The following LINGO2 variants were observed in gnomAD, a reference collection of about 807,000 sequenced individuals.
LINGO2 encodes leucine-rich repeat and immunoglobulin-like domain-containing nogo receptor-interacting protein 2.
Under a neutral mutation model 30.6 loss-of-function variants are expected in LINGO2, and 14 were observed. The observed-to-expected ratio is 0.46, with a 90% CI of 0.30 to 0.72. The LOEUF (loss-of-function observed/expected upper bound fraction) is 0.72, where lower values mean the gene tolerates loss of function less well. LINGO2 is among the 30% of genes least tolerant of loss of function. LINGO2 has a pLI of 0.07. For synonymous variants in LINGO2, 317 were observed against 288.5 expected (o/e 1.10, Z -1.00); for missense variants, 729 against 751.7 (o/e 0.97, Z 0.35).
intron 3 of LINGO2, among the ~76,000 whole-genome samples, chr9:28,353,841 A>G (rs1321784485): frequency 2.0e-5 from 3 of 152,156 alleles, no homozygotes; most frequent in African/African-American, 7.2e-5. Context: ...TGATGAGTTC[A>G]TGTCCTTTGT....
At chr9:28,058,428 A>C (rs781078760) in intron 4 of LINGO2, among the ~76,000 whole-genome samples, 3 of 152,160 alleles carry the variant, frequency 2.0e-5, no homozygotes, top group Non-Finnish European at 4.4e-5. Flanking sequence ...AGTGAGTGCT[A>C]CAATACATAG....
the LINGO2 span, among the ~76,000 whole-genome samples, chr9:28,789,993 A>G: frequency 6.6e-6 from 1 of 152,156 alleles, no homozygotes; most frequent in Admixed American, 6.5e-5. Context: ...CCCCTTGCCC[A>G]TGGTTTAACT....
chr9:28,757,539 C>T, the LINGO2 span, among the ~76,000 whole-genome samples: 2 of 141,046 alleles, frequency 1.4e-5, no homozygotes, highest in Admixed American at 1.4e-4. Flanking sequence ...GTGGTAAAAA[C>T]ACTAAATATA....
chr9:28,131,138 G>C (rs577547359), intron 4 of LINGO2, among the ~76,000 whole-genome samples: 5 of 150,822 alleles, frequency 3.3e-5, no homozygotes, highest in Admixed American at 1.3e-4. Context: ...AGAGTGATAT[G>C]AGGGAAAAAT....
intron 1 of LINGO2, among the ~76,000 whole-genome samples, chr9:28,655,618 G>A (rs1228068181): frequency 6.6e-6 from 1 of 152,062 alleles, no homozygotes; most frequent in South Asian, 2.1e-4. Context: ...CGCATGTTAT[G>A]AGAGGGACCA....
At chr9:28,645,592 C>T (rs73445531) in intron 1 of LINGO2, among the ~76,000 whole-genome samples, 1,909 of 152,080 alleles carry the variant, frequency 0.013, 47 homozygotes, top group African/African-American at 0.044. Context: ...GACCAAAAAC[C>T]TCATTAGACA....
At chr9:28,413,752 T>G (rs1334722681) in intron 2 of LINGO2, among the ~76,000 whole-genome samples, 1 of 152,076 alleles carries the variant, frequency 6.6e-6, no homozygotes, top group Non-Finnish European at 1.5e-5. Flanking sequence ...AGACTGATCC[T>G]TTCTGCTTCA....
At chr9:28,653,640 G>A (rs1396435298) in intron 1 of LINGO2, among the ~76,000 whole-genome samples, 28 of 152,132 alleles carry the variant, frequency 1.8e-4, no homozygotes, top group Admixed American at 1.8e-3. Context: ...AAGAATTGAT[G>A]CAAGGAAACC....
chr9:28,791,420 C>G, the LINGO2 span, among the ~76,000 whole-genome samples: 1 of 151,960 alleles, frequency 6.6e-6, no homozygotes, highest in South Asian at 2.1e-4. Flanking sequence ...GTGATTTAGA[C>G]TATGTAAATC....
At chr9:28,749,976 C>T in the LINGO2 span, among the ~76,000 whole-genome samples, 1 of 152,020 alleles carries the variant, frequency 6.6e-6, no homozygotes, top group African/African-American at 2.4e-5. Flanking sequence ...CTAGGATTAG[C>T]TAGAGATAAA....
intron 3 of LINGO2, among the ~76,000 whole-genome samples, chr9:28,318,396 G>C (rs900671708): frequency 1.7e-4 from 26 of 152,144 alleles, no homozygotes; most frequent in Non-Finnish European, 3.7e-4. Flanking sequence ...ATTTCTGTTT[G>C]GGAGAAGAAA....
chr9:27,975,411 T>C (rs1254037525), intron 5 of LINGO2, among the ~76,000 whole-genome samples: 1 of 152,080 alleles, frequency 6.6e-6, no homozygotes, highest in Admixed American at 6.6e-5. Context: ...GGGCTGGGGT[T>C]GAGGAAGTCC....
the LINGO2 span, among the ~76,000 whole-genome samples, chr9:28,868,030 T>C: frequency 1.3e-5 from 2 of 152,162 alleles, no homozygotes; most frequent in East Asian, 3.8e-4. Context: ...TTATGTAAAA[T>C]ATCCATTTAT....
chr9:28,711,695 A>T, the LINGO2 span, among the ~76,000 whole-genome samples: 1 of 152,130 alleles, frequency 6.6e-6, no homozygotes, highest in Non-Finnish European at 1.5e-5. Flanking sequence ...TTCACTAACT[A>T]CCTGATTCTG....
At chr9:28,171,072 A>G (rs1475158014) in intron 4 of LINGO2, among the ~76,000 whole-genome samples, 1 of 152,232 alleles carries the variant, frequency 6.6e-6, no homozygotes, top group African/African-American at 2.4e-5. Context: ...AGTTCGGCCA[A>G]CCATCTTTTA....
the LINGO2 span, among the ~76,000 whole-genome samples, chr9:29,093,021 A>ATG: frequency 5.5e-5 from 3 of 54,774 alleles, no homozygotes; most frequent in South Asian, 1.2e-3. Context: ...ATATATGATA[A>ATG]TGTGTGTGTA....
chr9:28,127,149 C>T (rs180886903), intron 4 of LINGO2, among the ~76,000 whole-genome samples: 508 of 152,296 alleles, frequency 3.3e-3, no homozygotes, highest in Non-Finnish European at 6.0e-3. Context: ...CTTCTCTGTA[C>T]TTGCCACACC....
the LINGO2 span, among the ~76,000 whole-genome samples, chr9:28,902,804 A>T: frequency 2.0e-5 from 3 of 152,132 alleles, no homozygotes; most frequent in Non-Finnish European, 4.4e-5. Flanking sequence ...AATAAATTAA[A>T]AGAGATATTA....
the LINGO2 span, among the ~76,000 whole-genome samples, chr9:28,920,561 T>G: frequency 6.6e-6 from 1 of 152,182 alleles, no homozygotes; most frequent in African/African-American, 2.4e-5. Flanking sequence ...TTTACTCAAA[T>G]GTACATATCT....
Sources: gnomAD v4.1 joint callset for allele counts (sites outside exome capture counted in the v4.1 genomes callset) on GRCh38, gnomAD v4.1.1 for gene constraint, MANE v1.5 for transcripts, NCBI Gene and HGNC (gene_info 2026-07-23, HGNC 2026-07-21) for gene names.